Variants in PRH1 observed in about 807,000 individuals in gnomAD.
PRH1 encodes salivary acidic proline-rich phosphoprotein 1/2.
A neutral mutation model predicts 7.9 loss-of-function variants in PRH1; 7 were observed. The observed-to-expected ratio is 0.89, with a 90% CI of 0.50 to 1.67. PRH1 has a LOEUF of 1.67. Ranked by LOEUF, PRH1 falls within the 40% of genes most tolerant of loss-of-function variation. The pLI is 0.00. For missense variants in PRH1, 109 were observed against 223.6 expected, an observed-to-expected ratio of 0.49 and a Z score of 3.27; for synonymous variants, 45 against 80.8, an observed-to-expected ratio of 0.56 and a Z score of 2.38.
chr12:11,128,303 C>A (rs1946205227), intron 1 of PRH1, among the ~76,000 whole-genome samples: 1 of 152,088 alleles, frequency 6.6e-6, no homozygotes, highest in Non-Finnish European at 1.5e-5. Context: ...AGTCTCCAAT[C>A]CTGGATTTTG....
chr12:11,008,420 G>A (rs2136035690), intron 1 of PRH1, among the ~76,000 whole-genome samples: 1 of 152,108 alleles, frequency 6.6e-6, no homozygotes, highest in Admixed American at 6.6e-5. Context: ...ATCATGTAGG[G>A]CAAGACAAGG....
rs199516666 is a variant in PRH1 at position 11,133,589 on chromosome 12, G to A, written n.40-12409C>T. ...AGCTTTTATGTGGACCTTGGTGCTG[G>A]GATCTTGAGATCCTTTGCCATGGAG... On this transcript the variant is annotated intron_variant and non_coding_transcript_variant, in intron 1 of 1. Coordinates refer to the PRH1 transcript ENST00000541175. 6 of 1,614,112 alleles carry A rather than the reference G, an allele frequency of 3.7e-6. No homozygotes were observed. The African/African-American group carries it at 5.3e-5, about 14-fold the overall frequency.
intron 2 of PRH1, chr12:10,938,670 C>T (rs1950336163): frequency 6.2e-7 from 1 of 1,613,890 alleles, no homozygotes; most frequent in South Asian, 1.1e-5. Flanking sequence ...CTGGTTAATA[C>T]AATAAGACTG....
chr12:10,986,346 A>C, intron 1 of PRH1: 2 of 1,614,068 alleles, frequency 1.2e-6, no homozygotes, highest in Non-Finnish European at 1.7e-6. Context: ...TGAAAGATGT[A>C]CTGTATTCCT....
intron 1 of PRH1, among the ~76,000 whole-genome samples, chr12:11,069,341 T>C (rs1474831454): frequency 2.6e-5 from 4 of 152,236 alleles, no homozygotes; most frequent in African/African-American, 7.2e-5. Flanking sequence ...CGCTTGTCTG[T>C]TAACTGATTT....
intron 1 of PRH1, chr12:11,078,410 A>T: frequency 1.0e-5 from 2 of 199,636 alleles, no homozygotes; most frequent in Non-Finnish European, 2.1e-5. Context: ...AGCCTATGCT[A>T]ATGGATGAGT....
At chr12:11,115,181 T>A (rs561510177) in intron 1 of PRH1, among the ~76,000 whole-genome samples, 2 of 152,004 alleles carry the variant, frequency 1.3e-5, no homozygotes, top group East Asian at 3.9e-4. Context: ...TATAAAGACA[T>A]GCACAGAAAG....
intron 1 of PRH1, among the ~76,000 whole-genome samples, chr12:11,044,762 C>A (rs1229663325): frequency 1.3e-5 from 2 of 152,080 alleles, no homozygotes; most frequent in African/African-American, 2.4e-5. Context: ...AGATAGATAT[C>A]ATCTCAACCC....
chr12:11,126,108 A>G (rs1036016804), intron 1 of PRH1, among the ~76,000 whole-genome samples: 3 of 152,262 alleles, frequency 2.0e-5, no homozygotes, highest in Non-Finnish European at 4.4e-5. Context: ...GGTACAGTAT[A>G]GAAAAAAATT....
chr12:10,985,773 C>T, intron 1 of PRH1: 2 of 603,882 alleles, frequency 3.3e-6, no homozygotes, highest in Non-Finnish European at 5.6e-6. Context: ...CATAGATACA[C>T]TTTTAGACTA....
At position 11,140,814 on chromosome 12, in the gene PRH1, T is replaced by C. The variant is rs551274249; in HGVS notation, n.40-19634A>G. On this transcript the variant is annotated intron_variant and non_coding_transcript_variant, in intron 1 of 1. Transcript: ENST00000541175. ...GATATTTTACAACCCAATACATATATGACACATTGGTTGTATAGCCTGGTG... is the reference window on the plus strand; with the variant it reads ...GATATTTTACAACCCAATACATATACGACACATTGGTTGTATAGCCTGGTG... Among the ~76,000 whole-genome samples the C allele has an allele frequency of 1.1e-4, 17 of 152,278 alleles. 1 individual carries two copies. The South Asian group carries it at 3.5e-3, about 32-fold the overall frequency.
At chr12:11,121,798 C>A (rs796168541) in intron 1 of PRH1, among the ~76,000 whole-genome samples, 1 of 128,412 alleles carries the variant, frequency 7.8e-6, no homozygotes. Flanking sequence ...TAAAACCTAC[C>A]CCAAAGATAC....
intron 1 of PRH1, among the ~76,000 whole-genome samples, chr12:11,030,171 A>G (rs1942115169): frequency 1.3e-5 from 2 of 152,278 alleles, no homozygotes; most frequent in African/African-American, 4.8e-5. Flanking sequence ...TTTGTATGAA[A>G]AAAACAGAAA....
At chr12:10,966,472 A>G (rs1938503868) in intron 2 of PRH1, among the ~76,000 whole-genome samples, 1 of 152,056 alleles carries the variant, frequency 6.6e-6, no homozygotes, top group Non-Finnish European at 1.5e-5. Context: ...CCTGGCTACT[A>G]CTCTGTTCCC....
chr12:10,948,974 G>A (rs895413869), intron 2 of PRH1, among the ~76,000 whole-genome samples: 4 of 152,126 alleles, frequency 2.6e-5, no homozygotes, highest in Non-Finnish European at 4.4e-5. Flanking sequence ...TCAATTATAT[G>A]TTTCCCCTAT....
intron 1 of PRH1, among the ~76,000 whole-genome samples, chr12:10,989,555 CT>C (rs1375938767): frequency 2.6e-5 from 4 of 152,080 alleles, no homozygotes; most frequent in Non-Finnish European, 5.9e-5. Flanking sequence ...TTTTTGATAC[CT>C]TTACTTACAG....
intron 1 of PRH1, chr12:10,997,301 A>G (rs1246132601): frequency 1.2e-6 from 2 of 1,614,000 alleles, no homozygotes; most frequent in Admixed American, 1.7e-5. Context: ...AAAAGATATC[A>G]GGGTCAGAGT....
chr12:11,096,102 T>C lies in PRH1; in HGVS notation n.124-48914A>G, dbSNP rs1399207572. Among the ~76,000 whole-genome samples the C allele has an allele frequency of 2.6e-5, 3 of 115,460 alleles. 1 individual carries two copies. Among genetic ancestry groups the C allele is most frequent in the African/African-American group, 8.7e-5 (3 of 34,468 alleles). The allele number at this position is 115,460 out of a possible 152,430, so 75.7% of individuals were successfully genotyped here. On this transcript the variant is annotated intron_variant and non_coding_transcript_variant, in intron 1 of 4. Coordinates refer to the PRH1 transcript ENST00000541977. ...TGAAGTCTGATAGTTTCTAAAAATATATGAACTGATATACTTTATCACTTT... is the reference window on the plus strand; with the variant it reads ...TGAAGTCTGATAGTTTCTAAAAATACATGAACTGATATACTTTATCACTTT...
intron 1 of PRH1, among the ~76,000 whole-genome samples, chr12:11,053,853 T>A (rs1232182183): frequency 6.6e-6 from 1 of 151,920 alleles, no homozygotes; most frequent in Admixed American, 6.6e-5. Context: ...GGAGTTTCGC[T>A]CTTGTCACCC....
Sources: gnomAD v4.1 joint callset for allele counts (sites outside exome capture counted in the v4.1 genomes callset) on GRCh38, gnomAD v4.1.1 for gene constraint, MANE v1.5 for transcripts, NCBI Gene and HGNC (gene_info 2026-07-23, HGNC 2026-07-21) for gene names.